The following CLIP2 variants were observed in gnomAD, a reference collection of about 807,000 sequenced individuals.
CLIP2 encodes the protein CAP-Gly domain-containing linker protein 2.
In CLIP2, 41 loss-of-function variants were observed where a neutral mutation model predicts 111.7. The observed-to-expected ratio is 0.37, with a 90% CI of 0.29 to 0.48. CLIP2 has a LOEUF of 0.48. Among genes scored for constraint, CLIP2 ranks in the 20% least tolerant of loss-of-function variants. CLIP2 has a pLI of 0.99. For missense variants in CLIP2, 1,160 were observed against 1,422.1 expected, an observed-to-expected ratio of 0.82 and a Z score of 2.96; for synonymous variants, 660 against 644.2, an observed-to-expected ratio of 1.02 and a Z score of -0.37.
chr7:74,375,946 C>T lies in CLIP2; in HGVS notation c.1545C>T (p.Arg515=). ...VLQLEEELTL[R]RGEIEELQQC... is the part of the protein sequence containing the mutation. ...AGCTGGAGGAGGAGCTCACCCTGCG[C>T]CGAGGTGAAATCGAGGAGCTCCAGC... Residue 515 remains arginine (R), a synonymous_variant, in exon 10 of 17, where the codon CGC becomes CGT. Coordinates refer to ENST00000223398, the MANE Select transcript of CLIP2 (RefSeq NM_003388.5). 1 of 1,603,270 alleles carries T rather than the reference C, an allele frequency of 6.2e-7. No homozygotes were observed. The highest frequency in any genetic ancestry group is 8.5e-7 in the Non-Finnish European group (1 of 1,175,982).
chr7:74,376,029 T>C lies in CLIP2; in HGVS notation c.1628T>C (p.Leu543Pro), dbSNP rs1554312734. The C allele has an allele frequency of 5.0e-6, 8 of 1,613,022 alleles. No individual in the cohort carries two copies. Among genetic ancestry groups the C allele is most frequent in the Non-Finnish European group, 6.8e-6 (8 of 1,179,948 alleles). ...GACCACCCAGACGCCGCCGAGATCC[T>C]GCGGCTACGGGAGCGGCTGCTCTCG... ...PPDHPDAAEI[L>P]RLRERLLSAS... The change falls in exon 10 of 17, where the codon CTG becomes CCG. Residue 543 changes from leucine (L) to proline (P), a missense_variant. Physicochemically the swap from Leu to Pro is moderately conservative, Grantham distance 98. Around this residue, in one of 5 missense-constraint regions of CLIP2, gnomAD observed 676 missense variants for 777.8 expected, o/e 0.87. Coordinates refer to ENST00000223398, the MANE Select transcript of CLIP2 (RefSeq NM_003388.5). This position sits in a 1 kb window ranked among gnomAD's most constrained non-coding sequence, Gnocchi z 7.1.
chr7:74,383,604 A>G (rs1791004061), intron 11 of CLIP2, among the ~76,000 whole-genome samples: 1 of 152,226 alleles, frequency 6.6e-6, no homozygotes, highest in African/African-American at 2.4e-5. Flanking sequence ...ACAATCAGCC[A>G]TTTTAAAGCA....
intron 1 of CLIP2, among the ~76,000 whole-genome samples, chr7:74,313,263 C>T (rs1584316793): frequency 6.6e-6 from 1 of 151,874 alleles, no homozygotes; most frequent in East Asian, 1.9e-4. Context: ...TGAAATTGTA[C>T]CACTGCACTC....
intron 7 of CLIP2, among the ~76,000 whole-genome samples, chr7:74,362,528 C>CTTTTTTTTTTTTTTTTTTTTTTTCT (rs3044338): frequency 8.2e-6 from 1 of 121,978 alleles, no homozygotes; most frequent in Non-Finnish European, 1.6e-5. Flanking sequence ...TTTTTCTTTT[C>CTTTTTTTTTTTTTTTTTTTTTTTCT]TTTTTTTTTT....
intron 1 of CLIP2, among the ~76,000 whole-genome samples, 178 bp downstream of exon 1, chr7:74,289,912 G>T (rs2116426061): frequency 6.6e-6 from 1 of 152,276 alleles, no homozygotes; most frequent in Middle Eastern, 3.4e-3. Context: ...GCTGGCTGGG[G>T]TGTGCCCCAA....
intron 10 of CLIP2, among the ~76,000 whole-genome samples, chr7:74,378,721 C>T (rs1161085476): frequency 6.6e-6 from 1 of 152,148 alleles, no homozygotes; most frequent in Non-Finnish European, 1.5e-5. Context: ...GCCTGAGTGA[C>T]AGTGTGAGGC....
At chr7:74,332,816 C>T (rs1789330758) in intron 2 of CLIP2, among the ~76,000 whole-genome samples, 2 of 152,136 alleles carry the variant, frequency 1.3e-5, no homozygotes, top group South Asian at 4.1e-4. Flanking sequence ...TGCTGGCATC[C>T]CCACTCCACC....
intron 1 of CLIP2, among the ~76,000 whole-genome samples, chr7:74,311,071 CT>C (rs2116486715): frequency 6.6e-6 from 1 of 152,028 alleles, no homozygotes; most frequent in South Asian, 2.1e-4. Context: ...GCTCTGCCCC[CT>C]GGGTTCACGC....
rs1261455049 is a variant in CLIP2, at chr7:74,404,104, A to G, written c.*256A>G. 1.0e-5 allele frequency: 5 copies of G among 495,436 alleles called. No homozygotes were observed. Among genetic ancestry groups the G allele is most frequent in the Non-Finnish European group, 1.9e-5 (5 of 269,608 alleles). The allele number at this position is 495,436 out of a possible 1,614,324, so 30.7% of individuals were successfully genotyped here. A position where few individuals can be genotyped will look rare whatever the true frequency, so the allele number is the denominator to read the frequency against. ...TGACCCGGGGACCTTCAGCCTGGACACCCGGCAGCTTCTGGAGTTTGTCAG... is the reference window on the plus strand; with the variant it reads ...TGACCCGGGGACCTTCAGCCTGGACGCCCGGCAGCTTCTGGAGTTTGTCAG... On this transcript the variant is annotated 3_prime_UTR_variant, in exon 17 of 17. Coordinates refer to ENST00000223398, the MANE Select transcript of CLIP2 (RefSeq NM_003388.5).
In CLIP2 at chr7:74,326,968, A is replaced by T. The variant is rs146700209; in HGVS notation, c.121+9301A>T. On this transcript the variant is annotated intron_variant, in intron 2 of 16. Coordinates refer to ENST00000223398, the MANE Select transcript of CLIP2 (RefSeq NM_003388.5). Reference sequence around the variant, plus strand: ...GTTTTTGAGATGGAGTCTCACTCTGACACCCAGGCTGGAGTGCAGCGGCAC... The same window carrying T: ...GTTTTTGAGATGGAGTCTCACTCTGTCACCCAGGCTGGAGTGCAGCGGCAC... Among the ~76,000 whole-genome samples, 751 of 136,486 alleles carry T rather than the reference A, an allele frequency of 5.5e-3. 6 individuals are homozygous for T. The highest frequency in any genetic ancestry group is 0.02 in the African/African-American group (725 of 36,082). 89.5% of individuals were successfully genotyped at this position (136,486 alleles called of 152,430 possible). A position where few individuals can be genotyped will look rare whatever the true frequency, so the allele number is the denominator to read the frequency against.
At chr7:74,291,487 C>T (rs753281433) in intron 1 of CLIP2, among the ~76,000 whole-genome samples, 40 of 152,216 alleles carry the variant, frequency 2.6e-4, no homozygotes, top group Non-Finnish European at 5.1e-4. Context: ...GCTATGTGAC[C>T]TTGCACATTG....
At chr7:74,335,742 CTTTCT>C (rs1202310464) in intron 2 of CLIP2, among the ~76,000 whole-genome samples, 2 of 132,328 alleles carry the variant, frequency 1.5e-5, no homozygotes, top group East Asian at 4.3e-4. Context: ...TCTTTTCTTT[CTTTCT>C]TTTCTTTTTT....
chr7:74,291,886 C>A (rs747788323), intron 1 of CLIP2, among the ~76,000 whole-genome samples: 6 of 152,052 alleles, frequency 3.9e-5, no homozygotes, highest in Non-Finnish European at 8.8e-5. Context: ...TTGGCCTCCC[C>A]TCCTGGCCCT....
At chr7:74,364,675 G>C in intron 8 of CLIP2, 1 of 361,536 alleles carries the variant, frequency 2.8e-6, no homozygotes, top group South Asian at 2.2e-5. Flanking sequence ...GTAAAATTTT[G>C]GCTGAAAGTA....
rs1287356765 is a variant in CLIP2, at chr7:74,338,938, C to G, written c.612C>G (p.Ser204=). ...TGAAGACTGGCAACGAGTCGGGATC[C>G]AACCTCTCAGACAGCGGCTCTGTGA... ...SSVKTGNESG[S]NLSDSGSVKR... is the part of the protein sequence containing the mutation. The change falls in exon 3 of 17, where the codon TCC becomes TCG. Residue 204 remains serine (S), a synonymous_variant. Coordinates refer to ENST00000223398, the MANE Select transcript of CLIP2 (RefSeq NM_003388.5). The surrounding 1 kb of genome is among the most constrained non-coding windows in gnomAD (Gnocchi z 4.3). The G allele has an allele frequency of 1.6e-5, 26 of 1,600,532 alleles. No homozygotes were observed. The highest frequency in any genetic ancestry group is 2.2e-5 in the Non-Finnish European group (26 of 1,179,872).
At chr7:74,328,648 A>G (rs1789187788) in intron 2 of CLIP2, among the ~76,000 whole-genome samples, 1 of 152,136 alleles carries the variant, frequency 6.6e-6, no homozygotes, top group Non-Finnish European at 1.5e-5. Context: ...GGGCATGAGG[A>G]CTTCCTTAGG....
chr7:74,291,472 C>G (rs1262475760), intron 1 of CLIP2, among the ~76,000 whole-genome samples: 1 of 152,222 alleles, frequency 6.6e-6, no homozygotes, highest in East Asian at 1.9e-4. Context: ...CTCTGCCACT[C>G]CCTAGCTATG....
At position 74,365,375 on chromosome 7, in the gene CLIP2, C is replaced by G. The variant is rs567651095; in HGVS notation, c.1380+1060C>G. Among the ~76,000 whole-genome samples, 22 of 152,278 alleles carry G rather than the reference C, an allele frequency of 1.4e-4. No individual in the cohort carries two copies. The South Asian group carries it at 3.5e-3, about 24-fold the overall frequency. ...GCCAGAAACAGCATCGGGAGCTAAGCCCATCCATGTGCCCCTTACTCAGGG... is the reference window on the plus strand; with the variant it reads ...GCCAGAAACAGCATCGGGAGCTAAGGCCATCCATGTGCCCCTTACTCAGGG... On this transcript the variant is annotated intron_variant, in intron 8 of 16. Transcript: ENST00000223398.
At chr7:74,313,730 G>A (rs1323831834) in intron 1 of CLIP2, among the ~76,000 whole-genome samples, 1 of 152,108 alleles carries the variant, frequency 6.6e-6, no homozygotes, top group African/African-American at 2.4e-5. Context: ...CCTACACCCA[G>A]GCAGCCCCAG....
Sources: gnomAD v4.1 joint callset for allele counts (sites outside exome capture counted in the v4.1 genomes callset) on GRCh38, gnomAD v4.1.1 for gene constraint, gnomAD v4.1.1 regional missense constraint, Gnocchi (gnomAD v3.1) non-coding constraint, MANE v1.5 for transcripts, NCBI Gene and HGNC (gene_info 2026-07-23, HGNC 2026-07-21) for gene names.